Variants in EXOC6 observed in about 807,000 individuals in gnomAD.
EXOC6 encodes the protein SEC15-like 1.
Under a neutral mutation model 112.5 loss-of-function variants are expected in EXOC6, and 60 were observed. That is an observed-to-expected ratio of 0.53 (90% CI 0.43 to 0.66). EXOC6 has a LOEUF of 0.66. Among genes scored for constraint, EXOC6 ranks in the 30% least tolerant of loss-of-function variants. EXOC6 has a pLI of 0.00. For synonymous variants in EXOC6, 295 were observed against 308.0 expected (o/e 0.96, Z 0.44); for missense variants, 855 against 957.1 (o/e 0.89, Z 1.41).
chr10:93,046,912 A>G (rs1590106230), intron 20 of EXOC6, among the ~76,000 whole-genome samples: 2 of 152,098 alleles, frequency 1.3e-5, no homozygotes, highest in East Asian at 1.9e-4. Flanking sequence ...CATGGTTTCT[A>G]GAGAACTAAG....
chr10:92,895,445 C>T (rs1040582853), intron 4 of EXOC6, among the ~76,000 whole-genome samples: 1 of 152,048 alleles, frequency 6.6e-6, no homozygotes, highest in East Asian at 1.9e-4. Flanking sequence ...TTGCTTTGCT[C>T]ACAATCTCAT....
At chr10:92,958,794 C>G (rs1853828835) in intron 17 of EXOC6, among the ~76,000 whole-genome samples, 1 of 152,142 alleles carries the variant, frequency 6.6e-6, no homozygotes, top group Non-Finnish European at 1.5e-5. Context: ...TCAAGACTTA[C>G]TATAAAGCTG....
intron 20 of EXOC6, among the ~76,000 whole-genome samples, chr10:93,020,963 A>G (rs1844757326): frequency 6.6e-6 from 1 of 151,454 alleles, no homozygotes; most frequent in South Asian, 2.1e-4. Flanking sequence ...GGACCTGTCA[A>G]GGAAGAAAAC....
chr10:93,052,390 C>A (rs757199970), intron 20 of EXOC6, among the ~76,000 whole-genome samples: 4 of 152,146 alleles, frequency 2.6e-5, no homozygotes, highest in Admixed American at 6.5e-5. Context: ...TGAAGTGATT[C>A]AACTATTTTG....
chr10:93,034,002 C>T (rs563953578), intron 20 of EXOC6, among the ~76,000 whole-genome samples: 1 of 152,312 alleles, frequency 6.6e-6, no homozygotes, highest in East Asian at 1.9e-4. Flanking sequence ...GGATGGAGTC[C>T]TGCACTTCTT....
chr10:92,987,237 A>G (rs1461790230), intron 18 of EXOC6, among the ~76,000 whole-genome samples: 1 of 152,204 alleles, frequency 6.6e-6, no homozygotes, highest in Non-Finnish European at 1.5e-5. Flanking sequence ...TTGTTGCTTA[A>G]TATTTGAGAA....
intron 19 of EXOC6, among the ~76,000 whole-genome samples, chr10:93,001,053 G>A (rs1278374734): frequency 1.3e-5 from 2 of 152,176 alleles, no homozygotes; most frequent in Non-Finnish European, 2.9e-5. Flanking sequence ...AATGCAGTAT[G>A]TATGCTTTCT....
At chr10:92,919,465 A>C (rs549779946) in intron 7 of EXOC6, among the ~76,000 whole-genome samples, 3 of 152,164 alleles carry the variant, frequency 2.0e-5, no homozygotes, top group African/African-American at 7.2e-5. Flanking sequence ...TTCAGAATAT[A>C]GGATACATCT....
rs200391376 is a variant in EXOC6 at position 92,868,580 on chromosome 10, ACACT to A, written c.101+19949_101+19952del. Among the ~76,000 whole-genome samples the A allele has an allele frequency of 5.5e-3, 840 of 152,238 alleles. 6 individuals carry two copies. The highest frequency in any genetic ancestry group is 0.017 in the African/African-American group (695 of 41,550). On this transcript the variant is annotated intron_variant, in intron 1 of 21. Transcript: ENST00000260762. ...AACAATAAATTTCTCTAGTTCTAGA[ACACT>A]CAAAGTATTTGATTGGGATTGAGCT...
chr10:93,050,487 C>T (rs939936544), intron 20 of EXOC6, among the ~76,000 whole-genome samples: 20 of 151,248 alleles, frequency 1.3e-4, no homozygotes, highest in African/African-American at 3.6e-4. Context: ...AGGCCAGGTG[C>T]GGTGGCTCAC....
intron 20 of EXOC6, among the ~76,000 whole-genome samples, chr10:93,053,639 AT>A (rs1263470713): frequency 6.6e-6 from 1 of 152,222 alleles, no homozygotes; most frequent in Admixed American, 6.5e-5. Context: ...TCAGAGAGCT[AT>A]CAGCATAAGC....
chr10:93,011,805 G>C (rs1025858452), intron 19 of EXOC6, among the ~76,000 whole-genome samples: 1 of 152,116 alleles, frequency 6.6e-6, no homozygotes, highest in African/African-American at 2.4e-5. Context: ...GGCATAGTAG[G>C]GGGTAATGGT....
intron 1 of EXOC6, among the ~76,000 whole-genome samples, chr10:92,863,693 A>G (rs921206881): frequency 3.3e-5 from 5 of 152,106 alleles, no homozygotes; most frequent in African/African-American, 1.2e-4. Context: ...CAGGCGGATC[A>G]CAAGGTCAGG....
chr10:92,896,850 C>G (rs1471919114), intron 4 of EXOC6, among the ~76,000 whole-genome samples: 1 of 152,166 alleles, frequency 6.6e-6, no homozygotes, highest in Non-Finnish European at 1.5e-5. Flanking sequence ...GCCACTGCGC[C>G]TGGCCTGTTT....
intron 20 of EXOC6, among the ~76,000 whole-genome samples, chr10:93,029,616 TGAG>T (rs769150003): frequency 2.0e-5 from 3 of 152,236 alleles, no homozygotes; most frequent in Admixed American, 6.5e-5. Context: ...TGTCTTTTGA[TGAG>T]GAGAAGTTCA....
chr10:93,044,716 A>G (rs1845925845), intron 20 of EXOC6, among the ~76,000 whole-genome samples: 1 of 152,148 alleles, frequency 6.6e-6, no homozygotes, highest in Non-Finnish European at 1.5e-5. Context: ...CCACTAATTT[A>G]TTGCCATAGA....
At chr10:92,841,153 G>C (rs1391937542) in intron 1 of EXOC6, among the ~76,000 whole-genome samples, 1 of 152,116 alleles carries the variant, frequency 6.6e-6, no homozygotes, top group East Asian at 1.9e-4. Flanking sequence ...GATCACCAAA[G>C]CTTATTTCTC....
intron 6 of EXOC6, among the ~76,000 whole-genome samples, chr10:92,910,544 A>G (rs1220165486): frequency 6.6e-6 from 1 of 152,208 alleles, no homozygotes; most frequent in Non-Finnish European, 1.5e-5. Flanking sequence ...TGTATTTGTC[A>G]AACTTGTACA....
At chr10:93,023,756 T>C (rs1382720633) in intron 20 of EXOC6, among the ~76,000 whole-genome samples, 1 of 152,226 alleles carries the variant, frequency 6.6e-6, no homozygotes, top group African/African-American at 2.4e-5. Context: ...TATGTGAAAT[T>C]CTTTTGGCAA....
Sources: gnomAD v4.1 joint callset for allele counts (sites outside exome capture counted in the v4.1 genomes callset) on GRCh38, gnomAD v4.1.1 for gene constraint, MANE v1.5 for transcripts, NCBI Gene and HGNC (gene_info 2026-07-23, HGNC 2026-07-21) for gene names.